The following NCALD variants were observed in gnomAD, a reference collection of about 807,000 sequenced individuals.
NCALD encodes the protein neurocalcin-delta.
Under a neutral mutation model 18.6 loss-of-function variants are expected in NCALD, and 10 were observed. The observed-to-expected ratio is 0.54, with a 90% CI of 0.33 to 0.91. The LOEUF (loss-of-function observed/expected upper bound fraction) is 0.91. Among genes scored for constraint, NCALD ranks in the 40% least tolerant of loss-of-function variants. NCALD has a pLI of 0.03. For missense variants in NCALD, 184 were observed against 247.6 expected (o/e 0.74, Z 1.72); for synonymous variants, 88 against 87.4 (o/e 1.01, Z -0.04).
chr8:102,005,932 T>TG (rs1408106934), intron 2 of NCALD, among the ~76,000 whole-genome samples: 1 of 151,094 alleles, frequency 6.6e-6, no homozygotes, highest in African/African-American at 2.4e-5. Flanking sequence ...CTAATGTAAA[T>TG]GACGAGTTAA....
intron 4 of NCALD, chr8:101,871,873 C>A: frequency 1.6e-6 from 1 of 642,490 alleles, no homozygotes. Context: ...GGGGACAGAG[C>A]TCTGCACTGA....
intron 2 of NCALD, among the ~76,000 whole-genome samples, chr8:101,918,491 A>G (rs1238743378): frequency 1.3e-5 from 2 of 152,128 alleles, no homozygotes; most frequent in Non-Finnish European, 2.9e-5. Context: ...AGCCAGAGCA[A>G]TCAGGCAAGA....
At chr8:101,867,926 GA>G (rs1361612132) in intron 4 of NCALD, among the ~76,000 whole-genome samples, 8 of 152,194 alleles carry the variant, frequency 5.3e-5, no homozygotes, top group Admixed American at 5.2e-4. Context: ...GTTGCAAATT[GA>G]AGGGCTAAGA....
intron 1 of NCALD, among the ~76,000 whole-genome samples, chr8:102,045,899 T>G (rs558704924): frequency 6.6e-6 from 1 of 152,270 alleles, no homozygotes; most frequent in Non-Finnish European, 1.5e-5. Context: ...TTCTAAAATC[T>G]CAAAGACAAA....
At chr8:101,986,032 T>C (rs1820794813) in intron 2 of NCALD, among the ~76,000 whole-genome samples, 2 of 152,076 alleles carry the variant, frequency 1.3e-5, no homozygotes, top group African/African-American at 4.8e-5. Flanking sequence ...CTTTTTTCCT[T>C]TCCTTTTCTT....
At chr8:101,739,330 C>G (rs1285724659) in intron 1 of NCALD, among the ~76,000 whole-genome samples, 1 of 152,146 alleles carries the variant, frequency 6.6e-6, no homozygotes, top group Non-Finnish European at 1.5e-5. Flanking sequence ...TTTGGGTTGC[C>G]TTAACACTTG....
intron 2 of NCALD, among the ~76,000 whole-genome samples, chr8:101,716,119 C>T (rs1816065625): frequency 6.6e-6 from 1 of 152,156 alleles, no homozygotes; most frequent in Non-Finnish European, 1.5e-5. Context: ...ACATATACAC[C>T]ATAGAATACT....
In NCALD at chr8:101,689,333, G is replaced by A. The variant is rs780277893; in HGVS notation, c.558C>T (p.Asp186=). 1 of 1,613,886 alleles carries A rather than the reference G, an allele frequency of 6.2e-7. No homozygotes were observed. The highest frequency in any genetic ancestry group is 8.5e-7 in the Non-Finnish European group (1 of 1,179,922). Residue 186 remains aspartate (D), a synonymous_variant, in exon 4 of 4, where the codon GAC becomes GAT. Coordinates refer to ENST00000220931, the MANE Select transcript of NCALD (RefSeq NM_032041.3). The surrounding 1 kb of genome is among the most constrained non-coding windows in gnomAD (Gnocchi z 4.4). ...CTCAGAACTGGCCGGCACTGCTCGG[G>A]TCGCACTGCAGGAGGCGCACAATGG... ...DPSIVRLLQC[D]PSSAGQF
intron 1 of NCALD, among the ~76,000 whole-genome samples, chr8:102,026,148 C>A (rs548635109): frequency 6.6e-6 from 1 of 152,144 alleles, no homozygotes; most frequent in African/African-American, 2.4e-5. Context: ...GGGGACACAG[C>A]CAAACCATAT....
intron 1 of NCALD, among the ~76,000 whole-genome samples, chr8:102,114,491 C>G (rs555778199): frequency 2.0e-4 from 31 of 152,298 alleles, no homozygotes; most frequent in African/African-American, 7.5e-4. Context: ...ATGCAGGACT[C>G]TAAGGCTAGT....
intron 1 of NCALD, among the ~76,000 whole-genome samples, chr8:102,026,880 A>T (rs754042227): frequency 1.3e-5 from 2 of 152,158 alleles, no homozygotes; most frequent in Admixed American, 1.3e-4. Context: ...CCCAAACCAC[A>T]ATTCTTGACT....
intron 4 of NCALD, among the ~76,000 whole-genome samples, chr8:101,799,372 G>A (rs76917896): frequency 0.016 from 2,414 of 152,282 alleles, 56 homozygotes; most frequent in African/African-American, 0.055. Context: ...CAATTTGCCA[G>A]TTGCTTTGAA....
intron 2 of NCALD, among the ~76,000 whole-genome samples, chr8:101,710,526 T>C (rs1268512907): frequency 6.6e-6 from 1 of 152,216 alleles, no homozygotes; most frequent in Non-Finnish European, 1.5e-5. Context: ...TTGAAATTCT[T>C]GCTGCCAACA....
intron 4 of NCALD, among the ~76,000 whole-genome samples, chr8:101,819,877 A>G (rs955439022): frequency 6.6e-6 from 1 of 152,206 alleles, no homozygotes; most frequent in Non-Finnish European, 1.5e-5. Flanking sequence ...GAGCTGGCGG[A>G]CATTCCAGGA....
At chr8:102,001,997 T>C (rs1378734010) in intron 2 of NCALD, among the ~76,000 whole-genome samples, 1 of 152,198 alleles carries the variant, frequency 6.6e-6, no homozygotes, top group African/African-American at 2.4e-5. Flanking sequence ...GCTAACATCA[T>C]AATGACAGGA....
intron 1 of NCALD, among the ~76,000 whole-genome samples, chr8:101,753,172 T>A (rs1810729769): frequency 6.6e-6 from 1 of 152,190 alleles, no homozygotes; most frequent in Non-Finnish European, 1.5e-5. Flanking sequence ...GGTGGTTGCA[T>A]CCGAATTGAG....
At chr8:101,784,378 A>G (rs971702958) in intron 1 of NCALD, among the ~76,000 whole-genome samples, 111 of 152,298 alleles carry the variant, frequency 7.3e-4, no homozygotes, top group African/African-American at 2.5e-3. Context: ...TCTTTTTATG[A>G]TCTATCCTTG....
chr8:102,120,659 G>A (rs888395755), intron 1 of NCALD, among the ~76,000 whole-genome samples: 2 of 152,326 alleles, frequency 1.3e-5, no homozygotes, highest in Middle Eastern at 3.4e-3. Context: ...GGAGTTATCA[G>A]AGCCAAAATA....
At chr8:101,932,381 G>A (rs986491323) in intron 2 of NCALD, among the ~76,000 whole-genome samples, 3 of 151,980 alleles carry the variant, frequency 2.0e-5, no homozygotes, top group South Asian at 2.1e-4. Flanking sequence ...ATCCCCATTC[G>A]CCTACCCAAA....
Sources: allele counts gnomAD v4.1 joint callset (sites outside exome capture counted in the v4.1 genomes callset), GRCh38; gene constraint gnomAD v4.1.1; non-coding constraint Gnocchi (gnomAD v3.1); transcripts MANE v1.5; gene names NCBI Gene and HGNC (gene_info 2026-07-23, HGNC 2026-07-21).